Variants in BCAS3 observed in about 807,000 individuals in gnomAD.
The protein encoded by BCAS3 is BCAS4/BCAS3 fusion.
A neutral mutation model predicts 116.1 loss-of-function variants in BCAS3; 53 were observed. That is an observed-to-expected ratio of 0.46 (90% CI 0.37 to 0.57). The LOEUF is 0.57. Among genes scored for constraint, BCAS3 ranks in the 20% least tolerant of loss-of-function variants. The pLI, the probability that BCAS3 is intolerant of heterozygous loss-of-function variation, is 0.00. For synonymous variants in BCAS3, 391 were observed against 408.2 expected (o/e 0.96, Z 0.51); for missense variants, 917 against 1,165.4 (o/e 0.79, Z 3.10).
At position 61,219,677 on chromosome 17, in the gene BCAS3, G is replaced by C. The variant is rs953779239; in HGVS notation, c.2425+135113G>C. Reference sequence around the variant, plus strand: ...GTAGCTCCTTGGAGGGTTGCAAATAGCTGCCGTGAGAAACCCTCTCTGCTG... The same window carrying C: ...GTAGCTCCTTGGAGGGTTGCAAATACCTGCCGTGAGAAACCCTCTCTGCTG... On this transcript the variant is annotated intron_variant, in intron 22 of 23. Transcript: ENST00000407086. This position sits in a 1 kb window ranked among gnomAD's most constrained non-coding sequence, Gnocchi z 5.2. Among the ~76,000 whole-genome samples the C allele has an allele frequency of 6.6e-6, 1 of 152,126 alleles. No individual in the cohort carries two copies. The highest frequency in any genetic ancestry group is 2.4e-5 in the African/African-American group (1 of 41,418).
At chr17:60,971,509 A>C (rs2061959286) in intron 14 of BCAS3, among the ~76,000 whole-genome samples, 1 of 152,092 alleles carries the variant, frequency 6.6e-6, no homozygotes, top group Non-Finnish European at 1.5e-5. Context: ...TTATTCTATC[A>C]TGCTGGTTGC....
At chr17:60,747,319 G>C in intron 6 of BCAS3, 40 bp downstream of exon 6, 1 of 1,525,386 alleles carries the variant, frequency 6.6e-7, no homozygotes, top group Non-Finnish European at 9.0e-7. Context: ...TCAGAAAAGA[G>C]TTTCTCTTTT....
At chr17:61,039,133 C>G (rs917924796) in intron 18 of BCAS3, among the ~76,000 whole-genome samples, 1 of 152,148 alleles carries the variant, frequency 6.6e-6, no homozygotes, top group African/African-American at 2.4e-5. Context: ...TAGGCAGCAG[C>G]CAGTTTACTT....
In BCAS3 at chr17:61,063,152, T is replaced by G. The variant is rs2070241159; in HGVS notation, c.2030-11768T>G. On this transcript the variant is annotated intron_variant, in intron 19 of 23. Coordinates refer to ENST00000407086, the MANE Select transcript of BCAS3 (RefSeq NM_017679.5). The surrounding 1 kb of genome is among the most constrained non-coding windows in gnomAD (Gnocchi z 5.3). ...CCGTGACCTTTGCTCTTGCCCACTT[T>G]TGCTTTGACTGCACCACTTCTGCCT... Among the ~76,000 whole-genome samples, 1 of 152,236 alleles carries G rather than the reference T, an allele frequency of 6.6e-6. No individual in the cohort carries two copies. Among genetic ancestry groups the G allele is most frequent in the Admixed American group, 6.5e-5 (1 of 15,278 alleles).
chr17:61,105,425 A>AT lies in BCAS3; in HGVS notation c.2425+20869dup, dbSNP rs2074582347. On this transcript the variant is annotated intron_variant, in intron 22 of 23. Transcript: ENST00000407086. The surrounding 1 kb of genome is among the most constrained non-coding windows in gnomAD (Gnocchi z 4.3). ...TGACACTAGAGGAAAAACCCACAGA[A>AT]TTTTTTTTATTTTTTTGAGACAGAG... 6.6e-6 allele frequency among the ~76,000 whole-genome samples: 1 copy of AT among 151,926 alleles called. No individual in the cohort carries two copies. The highest frequency in any genetic ancestry group is 6.6e-5 in the Admixed American group (1 of 15,240).
At chr17:60,688,178 A>C (rs935764551) in intron 3 of BCAS3, 7 of 152,232 alleles carry the variant, frequency 4.6e-5, no homozygotes, top group Non-Finnish European at 8.8e-5. Flanking sequence ...GAGCAGAGAA[A>C]GGACATTAGT....
At position 61,304,910 on chromosome 17, in the gene BCAS3, C is replaced by T. The variant is rs184476534; in HGVS notation, c.2426-63417C>T. 3.7e-4 allele frequency among the ~76,000 whole-genome samples: 56 copies of T among 152,200 alleles called. 1 individual carries two copies. The East Asian group carries it at 8.1e-3, about 22-fold the overall frequency. On this transcript the variant is annotated intron_variant, in intron 22 of 23. Transcript: ENST00000407086. ...CTGGGATTACAGGCGTGCACCACCACGCCCAGCTAATTTTTTTTGTATTAT... is the reference window on the plus strand; with the variant it reads ...CTGGGATTACAGGCGTGCACCACCATGCCCAGCTAATTTTTTTTGTATTAT...
At chr17:61,312,437 G>T (rs1030883918) in intron 22 of BCAS3, among the ~76,000 whole-genome samples, 2 of 152,240 alleles carry the variant, frequency 1.3e-5, no homozygotes, top group African/African-American at 2.4e-5. Flanking sequence ...TGGCCATGCT[G>T]TTGGGGTAAT....
rs2075851883 is a variant in BCAS3 at position 61,122,805 on chromosome 17, A to G, written c.2425+38241A>G. Among the ~76,000 whole-genome samples the G allele has an allele frequency of 6.6e-6, 1 of 152,218 alleles. No individual in the cohort carries two copies. The highest frequency in any genetic ancestry group is 6.5e-5 in the Admixed American group (1 of 15,284). On this transcript the variant is annotated intron_variant, in intron 22 of 23. Transcript: ENST00000407086. The surrounding 1 kb of genome is among the most constrained non-coding windows in gnomAD (Gnocchi z 4.6). ...GTTCATATATTTAGCATCTGTTGTC[A>G]ATACAGCAATGTAAGCTGATGGCTA...
At position 61,286,174 on chromosome 17, in the gene BCAS3, C is replaced by T. The variant is rs746373780; in HGVS notation, c.2426-82153C>T. ...CACATCTTCCTCTGGGATTTCTTTG[C>T]AGCTTTCAAAGGGTAGATCTTTGCA... is the stretch of plus-strand genomic sequence containing the variant. On this transcript the variant is annotated intron_variant, in intron 22 of 23. Transcript: ENST00000407086. This position sits in a 1 kb window ranked among gnomAD's most constrained non-coding sequence, Gnocchi z 4.8. Among the ~76,000 whole-genome samples the T allele has an allele frequency of 2.0e-5, 3 of 152,162 alleles. No homozygotes were observed. The highest frequency in any genetic ancestry group is 2.9e-5 in the Non-Finnish European group (2 of 68,046).
At chr17:61,253,456 A>G (rs2048524398) in intron 22 of BCAS3, among the ~76,000 whole-genome samples, 1 of 151,990 alleles carries the variant, frequency 6.6e-6, no homozygotes, top group South Asian at 2.1e-4. Flanking sequence ...ATAAGGGCTC[A>G]ATAATGTTAT....
intron 10 of BCAS3, among the ~76,000 whole-genome samples, chr17:60,901,778 T>G (rs1481276844): frequency 1.3e-5 from 2 of 152,228 alleles, no homozygotes; most frequent in Non-Finnish European, 2.9e-5. Flanking sequence ...TTTTGTGAGA[T>G]ATAGATTCTT....
rs574780939 is a variant in BCAS3, at chr17:61,105,399, C to G, written c.2425+20835C>G. On this transcript the variant is annotated intron_variant, in intron 22 of 23. Transcript: ENST00000407086. The surrounding 1 kb of genome is among the most constrained non-coding windows in gnomAD (Gnocchi z 4.3). ...CCCATGAAAGGCCATGACTACTATG[C>G]TGACACTAGAGGAAAAACCCACAGA... 1.2e-4 allele frequency among the ~76,000 whole-genome samples: 19 copies of G among 152,292 alleles called. No individual in the cohort carries two copies. The highest frequency in any genetic ancestry group is 7.4e-5 in the Non-Finnish European group (5 of 68,008).
At chr17:61,142,457 T>C (rs1229560967) in intron 22 of BCAS3, among the ~76,000 whole-genome samples, 1 of 152,192 alleles carries the variant, frequency 6.6e-6, no homozygotes, top group African/African-American at 2.4e-5. Context: ...TCAGCCCTCA[T>C]GTAAAACAAA....
intron 22 of BCAS3, among the ~76,000 whole-genome samples, chr17:61,299,224 A>G (rs918862211): frequency 6.6e-6 from 1 of 151,868 alleles, no homozygotes; most frequent in Admixed American, 6.5e-5. Context: ...CAGGTGGATC[A>G]CGAGGTCCGG....
chr17:60,846,482 C>G (rs2052550586), intron 7 of BCAS3, among the ~76,000 whole-genome samples: 1 of 152,048 alleles, frequency 6.6e-6, no homozygotes, highest in African/African-American at 2.4e-5. Context: ...GTGAGTTGTT[C>G]TATATGGTTT....
At chr17:60,835,978 A>G (rs986737801) in intron 7 of BCAS3, among the ~76,000 whole-genome samples, 17 of 152,264 alleles carry the variant, frequency 1.1e-4, no homozygotes, top group Middle Eastern at 3.4e-3. Context: ...ATGAATTTTA[A>G]AAAATGGATT....
At chr17:60,781,269 T>G (rs2045808510) in intron 6 of BCAS3, among the ~76,000 whole-genome samples, 1 of 150,874 alleles carries the variant, frequency 6.6e-6, no homozygotes, top group South Asian at 2.2e-4. Flanking sequence ...TACGCCCAGC[T>G]TTTTTTTCCT....
intron 7 of BCAS3, among the ~76,000 whole-genome samples, chr17:60,832,533 T>A (rs2051032079): frequency 6.6e-6 from 1 of 152,230 alleles, no homozygotes; most frequent in Admixed American, 6.5e-5. Context: ...AAGAAATAAC[T>A]GTTATAAATC....
Sources: gnomAD v4.1 joint callset for allele counts (sites outside exome capture counted in the v4.1 genomes callset) on GRCh38, gnomAD v4.1.1 for gene constraint, Gnocchi (gnomAD v3.1) non-coding constraint, MANE v1.5 for transcripts, NCBI Gene and HGNC (gene_info 2026-07-23, HGNC 2026-07-21) for gene names.